The following NHSL2 variants were observed in gnomAD, a reference collection of about 807,000 sequenced individuals.
The protein encoded by NHSL2 is NHS-like protein 2.
Under a neutral mutation model 53.4 loss-of-function variants are expected in NHSL2, and 27 were observed. The observed-to-expected ratio is 0.51, with a 90% CI of 0.37 to 0.70. The LOEUF (loss-of-function observed/expected upper bound fraction) is 0.70. Among genes scored for constraint, NHSL2 ranks in the 30% least tolerant of loss-of-function variants. The pLI is 0.00. For synonymous variants in NHSL2, 408 were observed against 404.1 expected (o/e 1.01, Z -0.12); for missense variants, 892 against 980.1 (o/e 0.91, Z 1.20).
chrX:72,098,408 G>C (rs2041960578), intron 1 of NHSL2, among the ~76,000 whole-genome samples: 1 of 110,549 alleles, frequency 9.0e-6, no homozygotes, highest in Non-Finnish European at 1.9e-5. Flanking sequence ...GTGAAACCCC[G>C]TCTCTACTAA....
Position 71,993,065 on chromosome X carries a change from C to G in NHSL2, c.280+81698C>G, listed in dbSNP as rs751513094. ...GTCAGCTAGATGGGAGGGGCGGGAA[C>G]TTTTCTCACCTTCATTTCCACATAG... On this transcript the variant is annotated intron_variant, in intron 1 of 7. Coordinates refer to ENST00000633930, the MANE Select transcript of NHSL2 (RefSeq NM_001013627.3). 1.2e-4 allele frequency among the ~76,000 whole-genome samples: 13 copies of G among 112,187 alleles called. No homozygotes were observed. The South Asian group carries it at 4.8e-3, about 41-fold the overall frequency.
intron 1 of NHSL2, among the ~76,000 whole-genome samples, chrX:72,048,981 A>AAGG (rs765541135): frequency 5.6e-5 from 5 of 89,684 alleles, no homozygotes; most frequent in African/African-American, 1.6e-4. Context: ...GGAGGAGAAG[A>AAGG]AGGAGGAGAA....
intron 1 of NHSL2, among the ~76,000 whole-genome samples, chrX:71,936,187 T>C (rs2041737369): frequency 9.0e-6 from 1 of 111,596 alleles, no homozygotes; most frequent in Admixed American, 9.4e-5. Flanking sequence ...CTCTTGACAC[T>C]TGATTAGGGG....
Position 72,131,266 on chromosome X carries a change from G to T in NHSL2, c.281-813G>T, listed in dbSNP as rs756193136. ...CGAGATACAGTCGGGCTCCGCGCGT[G>T]GGGGAGGCCGGCACAAGAAGGGCAG... On this transcript the variant is annotated intron_variant, in intron 1 of 7. Transcript: ENST00000633930. The T allele has an allele frequency of 5.0e-6, 6 of 1,195,321 alleles. No individual in the cohort carries two copies. Among genetic ancestry groups the T allele is most frequent in the African/African-American group, 1.8e-5 (1 of 55,287 alleles).
chrX:72,093,729 T>TCTTTCTTC (rs2041918789), intron 1 of NHSL2, among the ~76,000 whole-genome samples: 1 of 73,514 alleles, frequency 1.4e-5, no homozygotes, highest in African/African-American at 4.7e-5. Flanking sequence ...TTGCTTTCTT[T>TCTTTCTTC]CTTTCTTTCT....
chrX:72,133,988 A>T, intron 2 of NHSL2, 103 bp from the exon 3 acceptor site: 1 of 852,773 alleles, frequency 1.2e-6, no homozygotes, highest in Non-Finnish European at 1.6e-6. Context: ...AATGCAAGTC[A>T]GGCCTGGCAG....
intron 1 of NHSL2, chrX:72,130,656 G>T: frequency 8.3e-7 from 1 of 1,211,490 alleles, no homozygotes; most frequent in Non-Finnish European, 1.1e-6. Context: ...CATCCAGGTC[G>T]GCCATTTCTG....
At chrX:72,023,388 G>T (rs1270973428) in intron 1 of NHSL2, among the ~76,000 whole-genome samples, 1 of 112,625 alleles carries the variant, frequency 8.9e-6, no homozygotes. Flanking sequence ...AGGAGATGGA[G>T]TATTGTCTGC....
intron 1 of NHSL2, among the ~76,000 whole-genome samples, chrX:72,033,480 C>T (rs781719550): frequency 7.1e-5 from 8 of 112,215 alleles, no homozygotes; most frequent in East Asian, 2.8e-4. Context: ...CCACCGTGCC[C>T]GGCCTCTGAA....
intron 1 of NHSL2, among the ~76,000 whole-genome samples, chrX:71,944,964 A>T (rs1219418049): frequency 2.7e-5 from 3 of 112,348 alleles, no homozygotes; most frequent in Non-Finnish European, 5.6e-5. Context: ...AATAATGTTA[A>T]GTGGAAAAGG....
intron 1 of NHSL2, among the ~76,000 whole-genome samples, chrX:71,923,481 C>T (rs1379759129): frequency 8.9e-6 from 1 of 112,128 alleles, no homozygotes; most frequent in African/African-American, 3.2e-5. Flanking sequence ...TGCAGGGTAC[C>T]CTTGTAGGAA....
At chrX:72,141,722 C>A (rs1478862629) in intron 6 of NHSL2, among the ~76,000 whole-genome samples, 1 of 112,271 alleles carries the variant, frequency 8.9e-6, no homozygotes, top group African/African-American at 3.2e-5. Flanking sequence ...TTTCTGAACC[C>A]TTAACACCAA....
At chrX:72,029,420 C>G (rs1047641187) in intron 1 of NHSL2, among the ~76,000 whole-genome samples, 1 of 112,360 alleles carries the variant, frequency 8.9e-6, no homozygotes, top group Admixed American at 9.4e-5. Flanking sequence ...TGGGTGTTTG[C>G]GACTGAACTG....
intron 1 of NHSL2, among the ~76,000 whole-genome samples, chrX:71,993,209 G>A (rs989932823): frequency 1.8e-5 from 2 of 112,257 alleles, no homozygotes; most frequent in Non-Finnish European, 3.8e-5. Flanking sequence ...GACTTGTGCC[G>A]TTTCTGGCAC....
At chrX:71,967,985 C>T (rs921483652) in intron 1 of NHSL2, among the ~76,000 whole-genome samples, 4 of 108,438 alleles carry the variant, frequency 3.7e-5, no homozygotes, top group Admixed American at 9.9e-5. Context: ...GCATGTTAAC[C>T]GGAAGTCAAT....
intron 1 of NHSL2, among the ~76,000 whole-genome samples, chrX:71,980,561 GTGTGTGGGGTGT>G (rs2041972142): frequency 3.9e-4 from 2 of 5,148 alleles, no homozygotes; most frequent in African/African-American, 5.1e-4. Flanking sequence ...TGTGTGTGGG[GTGTGTGGGGTGT>G]GTGTGTGTGT....
intron 1 of NHSL2, among the ~76,000 whole-genome samples, chrX:72,112,304 G>A (rs1431178298): frequency 1.8e-5 from 2 of 110,885 alleles, no homozygotes; most frequent in Non-Finnish European, 3.8e-5. Context: ...GGGGAGCAAC[G>A]GGATGTGATT....
intron 1 of NHSL2, among the ~76,000 whole-genome samples, chrX:72,097,099 C>T (rs1049836681): frequency 8.9e-6 from 1 of 112,232 alleles, no homozygotes; most frequent in African/African-American, 3.2e-5. Context: ...ATGCTGAAAA[C>T]GTTCTTCAGT....
At chrX:72,048,624 G>A (rs1183255237) in intron 1 of NHSL2, among the ~76,000 whole-genome samples, 2 of 109,841 alleles carry the variant, frequency 1.8e-5, no homozygotes, top group Admixed American at 2.0e-4. Flanking sequence ...TGGAGTTGGG[G>A]TTAGAGGGCA....
Sources: allele counts gnomAD v4.1 joint callset (sites outside exome capture counted in the v4.1 genomes callset), GRCh38; gene constraint gnomAD v4.1.1; transcripts MANE v1.5; gene names NCBI Gene and HGNC (gene_info 2026-07-23, HGNC 2026-07-21).